CHAF1A: variants seen among roughly 807,000 people sequenced by gnomAD.
CHAF1A encodes the protein chromatin assembly factor 1 subunit A.
Under a neutral mutation model 93.2 loss-of-function variants are expected in CHAF1A, and 5 were observed. The observed-to-expected ratio is 0.05, with a 90% CI of 0.03 to 0.11. The LOEUF (loss-of-function observed/expected upper bound fraction) is 0.11, where lower values mean the gene tolerates loss of function less well. Among genes scored for constraint, CHAF1A ranks in the 10% least tolerant of loss-of-function variants. The pLI is 1.00. For missense variants in CHAF1A, 1,102 were observed against 1,259.9 expected (o/e 0.87, Z 1.90); for synonymous variants, 504 against 510.3 (o/e 0.99, Z 0.17).
In CHAF1A at chr19:4,422,276, A is replaced by G. The variant is rs565953072; in HGVS notation, c.1018-290A>G. ...TGATCCACTTGCCTCGGCCTCCCAAAGTGCTGGGATTACAGGCGTGAACCA... is the reference window on the plus strand; with the variant it reads ...TGATCCACTTGCCTCGGCCTCCCAAGGTGCTGGGATTACAGGCGTGAACCA... On this transcript the variant is annotated intron_variant, in intron 4 of 14. Transcript: ENST00000301280. This position sits in a 1 kb window ranked among gnomAD's most constrained non-coding sequence, Gnocchi z 4.6. Among the ~76,000 whole-genome samples, 59 of 152,028 alleles carry G rather than the reference A, an allele frequency of 3.9e-4. No homozygotes were observed.
downstream of CHAF1A, chr19:4,446,483 G>A (rs750616649): frequency 1.3e-5 from 21 of 1,599,684 alleles, 1 homozygote; most frequent in Admixed American, 1.3e-4. Flanking sequence ...ACTCTGCTCC[G>A]CGGACGTCAG....
intron 13 of CHAF1A, among the ~76,000 whole-genome samples, chr19:4,436,576 C>G (rs538754716): frequency 6.6e-6 from 1 of 152,184 alleles, no homozygotes; most frequent in African/African-American, 2.4e-5. Flanking sequence ...TGAAAATGAT[C>G]GGGGCGGGAA....
chr19:4,412,311 G>A (rs1599640995), intron 3 of CHAF1A, among the ~76,000 whole-genome samples: 1 of 152,340 alleles, frequency 6.6e-6, no homozygotes, highest in East Asian at 1.9e-4. Flanking sequence ...GGGACGCCGA[G>A]GCGGGTGGAT....
chr19:4,410,790 G>A (rs574158478), intron 3 of CHAF1A, among the ~76,000 whole-genome samples: 2 of 152,164 alleles, frequency 1.3e-5, no homozygotes, highest in East Asian at 1.9e-4. Context: ...GTTGGAGGCC[G>A]CAGCGAGCTA....
At chr19:4,419,717 C>T (rs1055047285) in intron 4 of CHAF1A, among the ~76,000 whole-genome samples, 23 of 152,172 alleles carry the variant, frequency 1.5e-4, no homozygotes, top group Admixed American at 1.2e-3. Flanking sequence ...AGGTGTGAGC[C>T]ACCACGCCCA....
In CHAF1A at chr19:4,422,543, T is replaced by C. The variant is rs1203523931; in HGVS notation, c.1018-23T>C. The C allele has an allele frequency of 6.4e-7, 1 of 1,553,632 alleles. No individual in the cohort carries two copies. Among genetic ancestry groups the C allele is most frequent in the Non-Finnish European group, 8.7e-7 (1 of 1,147,556 alleles). On this transcript the variant is annotated intron_variant, in intron 4 of 14. Coordinates refer to ENST00000301280, the MANE Select transcript of CHAF1A (RefSeq NM_005483.3). This position sits in a 1 kb window ranked among gnomAD's most constrained non-coding sequence, Gnocchi z 4.6. ...TGGGAGTTGGAGGGAGGGCCACCTG[T>C]CACTTGCCACACTGTCTTGTAGGAT...
intron 7 of CHAF1A, among the ~76,000 whole-genome samples, chr19:4,427,967 G>A (rs1301647170): frequency 2.0e-5 from 3 of 152,062 alleles, no homozygotes; most frequent in Non-Finnish European, 2.9e-5. Flanking sequence ...CAGGTGATCC[G>A]CCCTCCTCAG....
chr19:4,446,661 C>T (rs753612345), downstream of CHAF1A: 43 of 1,612,182 alleles, frequency 2.7e-5, 1 homozygote, highest in Admixed American at 6.7e-4. Flanking sequence ...TGTGCCTCTC[C>T]AGGCTCTGGG....
rs555543140 is a variant in CHAF1A at position 4,421,722 on chromosome 19, G to A, written c.1018-844G>A. 1.1e-3 allele frequency among the ~76,000 whole-genome samples: 165 copies of A among 152,328 alleles called. 1 individual carries two copies. Among genetic ancestry groups the A allele is most frequent in the African/African-American group, 3.9e-3 (164 of 41,578 alleles). ...GCCTGGGAGGTCGAGGCTGCAGCCA[G>A]CTATGACTGCACCACTGCACTCCAC... On this transcript the variant is annotated intron_variant, in intron 4 of 14. Transcript: ENST00000301280.
intron 13 of CHAF1A, among the ~76,000 whole-genome samples, chr19:4,438,354 TTTTTG>T (rs139248002): frequency 2.1e-4 from 32 of 150,886 alleles, no homozygotes; most frequent in East Asian, 4.0e-4. Flanking sequence ...AGAAGAGGTT[TTTTTG>T]TTTTGTTTTG....
At chr19:4,406,423 T>C (rs1274207696) in intron 2 of CHAF1A, among the ~76,000 whole-genome samples, 2 of 150,220 alleles carry the variant, frequency 1.3e-5, no homozygotes, top group Admixed American at 6.8e-5. Context: ...AGATGAGCGG[T>C]TGGATTGTAA....
chr19:4,418,447 G>A lies in CHAF1A; in HGVS notation c.1017+371G>A, dbSNP rs1176023746. 3.2e-5 allele frequency among the ~76,000 whole-genome samples: 4 copies of A among 125,744 alleles called. No individual in the cohort carries two copies. The Admixed American group carries it at 4.3e-4, about 13-fold the overall frequency. The allele number at this position is 125,744 out of a possible 152,430, so 82.5% of individuals were successfully genotyped here. ...TTTTTTTTTTTTGAGACAGAGTCTC[G>A]CTCTGCCACCCAGGCTGGGGTGCAG... On this transcript the variant is annotated intron_variant, in intron 4 of 14. Transcript: ENST00000301280.
chr19:4,425,653 C>A (rs568196659), intron 7 of CHAF1A, among the ~76,000 whole-genome samples: 373 of 152,336 alleles, frequency 2.4e-3, no homozygotes, highest in South Asian at 4.8e-3. Context: ...GCCACTATCT[C>A]AACCTCTTTG....
rs764097036 is a variant in CHAF1A, at chr19:4,409,710, A to G, written c.911A>G (p.Lys304Arg). 9.3e-6 allele frequency: 15 copies of G among 1,613,894 alleles called. No individual in the cohort carries two copies. The highest frequency in any genetic ancestry group is 9.3e-6 in the Non-Finnish European group (11 of 1,179,984). Residue 304 changes from lysine (K) to arginine (R), a missense_variant, in exon 3 of 15, where the codon AAG becomes AGG. Around this residue, in one of 6 missense-constraint regions of CHAF1A, gnomAD observed 379 missense variants for 365.7 expected, o/e 1.04. Transcript: ENST00000301280. ...SSPEGPPAPP[K>R]QHSSTSPFPT... ...CCCGAGGGGCCGCCTGCTCCCCCAA[A>G]GCAGCACAGCAGTACCAGTCCCTTC...
Position 4,409,488 on chromosome 19 carries a change from G to A in CHAF1A, c.689G>A (p.Gly230Asp), listed in dbSNP as rs766218260. The A allele has an allele frequency of 5.6e-6, 9 of 1,613,964 alleles. No homozygotes were observed. The African/African-American group carries it at 8.0e-5, about 14-fold the overall frequency. Residue 230 changes from glycine (G) to aspartate (D), a missense_variant, in exon 3 of 15, where the codon GGC becomes GAC. Physicochemically the swap from Gly to Asp is moderately conservative, Grantham distance 94. Coordinates refer to ENST00000301280, the MANE Select transcript of CHAF1A (RefSeq NM_005483.3). ...KEQDSWSEAG[G>D]ILFKGKVPMV... ...CAGGACAGTTGGAGTGAAGCTGGGG[G>A]CATCCTGTTCAAAGGGAAGGTGCCT...
At chr19:4,429,367 GA>G (rs1326557531) in intron 8 of CHAF1A, 70 bp from the exon 9 acceptor site, 43 of 1,522,934 alleles carry the variant, frequency 2.8e-5, no homozygotes, top group Non-Finnish European at 3.7e-5. Context: ...GCTTCACAGG[GA>G]GGTTCCTGGG....
At chr19:4,405,775 G>C (rs992042819) in intron 1 of CHAF1A, 137 bp from the exon 2 acceptor site, 13 of 706,246 alleles carry the variant, frequency 1.8e-5, no homozygotes, top group East Asian at 2.6e-5. Context: ...AACATCTCTA[G>C]ACTGTGTCAA....
downstream of CHAF1A, chr19:4,448,350 G>A (rs143704241): frequency 2.5e-5 from 41 of 1,610,196 alleles, no homozygotes; most frequent in African/African-American, 4.9e-4. Flanking sequence ...GCTTCACCCG[G>A]TCCTGGTCTT....
At chr19:4,436,467 CAG>C (rs1974285314) in intron 13 of CHAF1A, among the ~76,000 whole-genome samples, 1 of 152,238 alleles carries the variant, frequency 6.6e-6, no homozygotes, top group African/African-American at 2.4e-5. Context: ...GGCCCCCACA[CAG>C]AGCTTTGCTG....
Sources: gnomAD v4.1 joint callset for allele counts (sites outside exome capture counted in the v4.1 genomes callset) on GRCh38, gnomAD v4.1.1 for gene constraint, gnomAD v4.1.1 regional missense constraint, Gnocchi (gnomAD v3.1) non-coding constraint, MANE v1.5 for transcripts, NCBI Gene and HGNC (gene_info 2026-07-23, HGNC 2026-07-21) for gene names.